Variants in SP140 observed in about 807,000 individuals in gnomAD.
SP140 encodes nuclear body protein SP140.
Under a neutral mutation model 125.0 loss-of-function variants are expected in SP140, and 81 were observed. The observed-to-expected ratio is 0.65, with a 90% CI of 0.54 to 0.78. The LOEUF (loss-of-function observed/expected upper bound fraction) is 0.78, where lower values mean the gene tolerates loss of function less well. Among genes scored for constraint, SP140 ranks in the 30% least tolerant of loss-of-function variants. The probability of loss-of-function intolerance (pLI) is 0.00; values close to 1 mark genes in which losing one functional copy is unlikely to be tolerated. For synonymous variants in SP140, 312 were observed against 354.0 expected, an observed-to-expected ratio of 0.88 and a Z score of 1.33; for missense variants, 858 against 1,037.0, an observed-to-expected ratio of 0.83 and a Z score of 2.37.
At chr2:230,278,734 G>A (rs2055085581) in intron 15 of SP140, among the ~76,000 whole-genome samples, 1 of 151,924 alleles carries the variant, frequency 6.6e-6, no homozygotes, top group African/African-American at 2.4e-5. Context: ...AGTTTTCTTA[G>A]GACCATTTAT....
chr2:230,279,009 A>G (rs1470221973), intron 15 of SP140, among the ~76,000 whole-genome samples: 1 of 152,186 alleles, frequency 6.6e-6, no homozygotes, highest in East Asian at 1.9e-4. Context: ...TTCAAAGATC[A>G]GTTGTGTTTC....
In SP140 at chr2:230,294,388, A is replaced by G. The variant is rs1299348187; in HGVS notation, c.2016+70A>G. On this transcript the variant is annotated intron_variant, in intron 21 of 26. Coordinates refer to ENST00000392045, the MANE Select transcript of SP140 (RefSeq NM_007237.5). ...TTTAGCATGCACAAAATCTTATTTT[A>G]TGGGGTCTGAAATTGGGTAGGAATA... The G allele has an allele frequency of 2.5e-6, 3 of 1,201,998 alleles. No homozygotes were observed. In the Admixed American group the frequency reaches 5.4e-5, roughly 22 times the overall value. 74.5% of individuals were successfully genotyped at this position (1,201,998 alleles called of 1,614,324 possible). A position where few individuals can be genotyped will look rare whatever the true frequency, so the allele number is the denominator to read the frequency against.
In SP140 at chr2:230,237,147, A is replaced by G. The variant is rs1452700553; in HGVS notation, c.124A>G (p.Ile42Val). The change falls in exon 2 of 27, where the codon ATT becomes GTT. Residue 42 changes from isoleucine to valine, a missense_variant. By Grantham distance (29) the Ile-to-Val change is conservative. Coordinates refer to ENST00000392045, the MANE Select transcript of SP140 (RefSeq NM_007237.5). This position sits in a 1 kb window ranked among gnomAD's most constrained non-coding sequence, Gnocchi z 5.4. ...NLQEQVCPEP[I>V]FRFFRENKVE... ...GCAGGAGCAGGTTTGCCCTGAGCCC[A>G]TTTTCAGGTTCTTCAGAGAAAACAA... 2 of 1,613,462 alleles carry G rather than the reference A, an allele frequency of 1.2e-6. No individual in the cohort carries two copies. Among genetic ancestry groups the G allele is most frequent in the Non-Finnish European group, 1.7e-6 (2 of 1,179,798 alleles).
intron 22 of SP140, among the ~76,000 whole-genome samples, chr2:230,304,385 C>A (rs1434781824): frequency 1.3e-5 from 2 of 152,122 alleles, no homozygotes; most frequent in Non-Finnish European, 2.9e-5. Context: ...TCATTTTTCA[C>A]AGAACTAGAA....
At chr2:230,246,606 T>A (rs1402829077) in intron 7 of SP140, among the ~76,000 whole-genome samples, 1 of 152,198 alleles carries the variant, frequency 6.6e-6, no homozygotes, top group Non-Finnish European at 1.5e-5. Flanking sequence ...AGATGAGGCC[T>A]TTGATACTAT....
At chr2:230,257,125 G>C (rs544002550) in intron 12 of SP140, among the ~76,000 whole-genome samples, 27 of 152,210 alleles carry the variant, frequency 1.8e-4, no homozygotes, top group Middle Eastern at 3.4e-3. Flanking sequence ...CATAGTCTGA[G>C]TCCAATGTGG....
downstream of SP140, among the ~76,000 whole-genome samples, chr2:230,315,343 C>T (rs774200006): frequency 2.0e-5 from 3 of 152,096 alleles, no homozygotes; most frequent in Admixed American, 6.5e-5. Context: ...ACTCACATGC[C>T]GGGGAAAGGA....
chr2:230,275,684 T>G (rs1401278853), intron 15 of SP140, among the ~76,000 whole-genome samples: 2 of 152,176 alleles, frequency 1.3e-5, no homozygotes, highest in Non-Finnish European at 2.9e-5. Flanking sequence ...CACATGTGTC[T>G]CACTTTAAAT....
chr2:230,202,968 A>T, upstream of SP140: 1 of 549,716 alleles, frequency 1.8e-6, no homozygotes, highest in Non-Finnish European at 3.3e-6. Context: ...TGTTGCAATC[A>T]ACTAGATAAA....
At chr2:230,213,148 G>A (rs2044680654) in intron 1 of SP140, 3 of 963,552 alleles carry the variant, frequency 3.1e-6, no homozygotes, top group Non-Finnish European at 4.9e-6. Context: ...TTGTCCCCCA[G>A]GTGCAGAGAA....
chr2:230,281,159 C>T (rs984437984), intron 15 of SP140, among the ~76,000 whole-genome samples: 1 of 152,090 alleles, frequency 6.6e-6, no homozygotes, highest in African/African-American at 2.4e-5. Flanking sequence ...AATTTAATCA[C>T]GAAAATTTTA....
intron 20 of SP140, among the ~76,000 whole-genome samples, chr2:230,294,052 A>G (rs112188237): frequency 8.9e-4 from 135 of 152,322 alleles, no homozygotes; most frequent in African/African-American, 3.1e-3. Context: ...GAAGCACAAG[A>G]GAAGGGAAAA....
intron 1 of SP140, among the ~76,000 whole-genome samples, chr2:230,235,449 GT>G (rs2047830301): frequency 6.6e-6 from 1 of 152,158 alleles, no homozygotes. Context: ...GAGAAAAACA[GT>G]TGTCATTAAT....
chr2:230,211,428 A>G lies in SP140; in HGVS notation c.-322-2226A>G. On this transcript the variant is annotated intron_variant, in intron 1 of 4. Transcript: ENST00000456542. This position sits in a 1 kb window ranked among gnomAD's most constrained non-coding sequence, Gnocchi z 4.2. The stretch of plus-strand genomic sequence containing the variant: ...AATGGCTTTTCCTCTTAGTAAACAC[A>G]GAAACAAAGGCAAGCTTTTAGGTTG... 5.5e-6 allele frequency: 7 copies of G among 1,268,898 alleles called. No homozygotes were observed. The highest frequency in any genetic ancestry group is 8.1e-6 in the Non-Finnish European group (7 of 864,886). The allele number at this position is 1,268,898 out of a possible 1,614,324, so 78.6% of individuals were successfully genotyped here.
intron 1 of SP140, among the ~76,000 whole-genome samples, chr2:230,235,790 C>T (rs1018856068): frequency 6.6e-6 from 1 of 151,170 alleles, no homozygotes; most frequent in African/African-American, 2.4e-5. Context: ...CAAGTTTAGA[C>T]AGATTAATGT....
At chr2:230,212,582 T>C (rs1207862385) in intron 1 of SP140, 2 of 1,074,158 alleles carry the variant, frequency 1.9e-6, no homozygotes, top group African/African-American at 3.1e-5. Flanking sequence ...TTCTGGACTC[T>C]AGGTCTTACC....
intron 3 of SP140, among the ~76,000 whole-genome samples, chr2:230,239,338 G>C (rs1230424342): frequency 6.6e-6 from 1 of 152,126 alleles, no homozygotes; most frequent in Non-Finnish European, 1.5e-5. Flanking sequence ...CATTGCACCA[G>C]TATACTTTAA....
chr2:230,206,620 T>C (rs1416117483), intron 1 of SP140, among the ~76,000 whole-genome samples: 1 of 100,024 alleles, frequency 1.0e-5, no homozygotes, highest in Non-Finnish European at 2.2e-5. Context: ...TATATATATA[T>C]ATATATATAT....
At chr2:230,294,217 C>G in intron 20 of SP140, 54 bp from the exon 21 acceptor site, 1 of 1,477,652 alleles carries the variant, frequency 6.8e-7, no homozygotes, top group Non-Finnish European at 9.5e-7. Context: ...AAATGCCAGA[C>G]TCACAAAACG....
Sources: allele counts gnomAD v4.1 joint callset (sites outside exome capture counted in the v4.1 genomes callset), GRCh38; gene constraint gnomAD v4.1.1; non-coding constraint Gnocchi (gnomAD v3.1); transcripts MANE v1.5; gene names NCBI Gene and HGNC (gene_info 2026-07-23, HGNC 2026-07-21).